LARP4: variants seen among roughly 807,000 people sequenced by gnomAD.
LARP4 encodes the protein La ribonucleoprotein 4.
In LARP4, 29 loss-of-function variants were observed where a neutral mutation model predicts 92.9. That is an observed-to-expected ratio of 0.31 (90% CI 0.23 to 0.43). LARP4 has a LOEUF of 0.43. Among genes scored for constraint, LARP4 ranks in the 20% least tolerant of loss-of-function variants. The pLI is 1.00. For missense variants in LARP4, 732 were observed against 860.0 expected (o/e 0.85, Z 1.86); for synonymous variants, 279 against 284.1 (o/e 0.98, Z 0.18).
intron 4 of LARP4, among the ~76,000 whole-genome samples, chr12:50,431,127 G>A (rs1949592231): frequency 6.6e-6 from 1 of 152,052 alleles, no homozygotes; most frequent in African/African-American, 2.4e-5. Flanking sequence ...AATTAGCGGG[G>A]CATGGTGGTG....
intron 1 of LARP4, among the ~76,000 whole-genome samples, chr12:50,404,519 C>T (rs1944428584): frequency 6.6e-6 from 1 of 152,136 alleles, no homozygotes; most frequent in South Asian, 2.1e-4. Context: ...TGTGCCACTG[C>T]ATTCCAGGCC....
At position 50,422,714 on chromosome 12, in the gene LARP4, T is replaced by G. The variant is rs566559902; in HGVS notation, c.19-5048T>G. ...AATAATGCTAATATATGTAGAAATA[T>G]GAGTTGAATCATTTTATATAGTCTC... On this transcript the variant is annotated intron_variant, in intron 1 of 15. Transcript: ENST00000398473. Among the ~76,000 whole-genome samples, 83 of 151,244 alleles carry G rather than the reference T, an allele frequency of 5.5e-4. 1 individual carries two copies. The highest frequency in any genetic ancestry group is 8.3e-4 in the Non-Finnish European group (56 of 67,818).
rs767986932 is a variant in LARP4 at position 50,449,543 on chromosome 12, A to G, written c.805-3917A>G. Reference sequence around the variant, plus strand: ...CCCATATTTCATGCATTTTGGTAGCAAGAGGCATGATGCCTTGCTACCTTG... The same window carrying G: ...CCCATATTTCATGCATTTTGGTAGCGAGAGGCATGATGCCTTGCTACCTTG... On this transcript the variant is annotated intron_variant, in intron 8 of 15. Transcript: ENST00000398473. Among the ~76,000 whole-genome samples, 11 of 152,264 alleles carry G rather than the reference A, an allele frequency of 7.2e-5. 1 individual carries two copies. The highest frequency in any genetic ancestry group is 3.9e-4 in the Admixed American group (6 of 15,286).
At position 50,479,464 on chromosome 12, in the gene LARP4, C is replaced by T. The variant is rs539060423; in HGVS notation, c.*3600C>T. 36 of 151,906 alleles carry T rather than the reference C, an allele frequency of 2.4e-4. No homozygotes were observed. The highest frequency in any genetic ancestry group is 4.3e-4 in the Non-Finnish European group (29 of 68,004). 9.4% of individuals were successfully genotyped at this position (151,906 alleles called of 1,614,324 possible). ...TTGGGCATATGCTAGTCTGAGCTTC[C>T]GAAAAGATACATATATGTTTCCCTT... is the stretch of plus-strand genomic sequence containing the variant. On this transcript the variant is annotated 3_prime_UTR_variant, in exon 16 of 16. Coordinates refer to ENST00000398473, the MANE Select transcript of LARP4 (RefSeq NM_052879.5).
At chr12:50,473,871 C>T (rs184637675) in intron 14 of LARP4, 128 bp from the exon 15 acceptor site, 2 of 676,070 alleles carry the variant, frequency 3.0e-6, no homozygotes, top group Non-Finnish European at 4.9e-6. Flanking sequence ...GAGCATGCCA[C>T]TACACTCCAG....
intron 8 of LARP4, among the ~76,000 whole-genome samples, chr12:50,445,534 CTT>C (rs1951876351): frequency 6.6e-6 from 1 of 152,034 alleles, no homozygotes; most frequent in African/African-American, 2.4e-5. Flanking sequence ...TCTGCCCTCT[CTT>C]CTCCTTTCTT....
At chr12:50,456,655 T>C (rs1469892020) in intron 10 of LARP4, among the ~76,000 whole-genome samples, 1 of 152,170 alleles carries the variant, frequency 6.6e-6, no homozygotes, top group Non-Finnish European at 1.5e-5. Flanking sequence ...TTTCATACTA[T>C]CTTTCTTTCA....
intron 8 of LARP4, among the ~76,000 whole-genome samples, chr12:50,449,680 A>G (rs557449931): frequency 5.9e-5 from 9 of 152,046 alleles, no homozygotes; most frequent in South Asian, 2.1e-4. Context: ...TTCTCTATCT[A>G]TTTTTCATTT....
intron 1 of LARP4, among the ~76,000 whole-genome samples, chr12:50,409,844 G>A (rs1364360438): frequency 1.3e-5 from 2 of 151,340 alleles, no homozygotes; most frequent in African/African-American, 2.4e-5. Flanking sequence ...TATTGCCCAG[G>A]CTGGAGCGAT....
chr12:50,467,757 A>G (rs1956339789), intron 13 of LARP4, among the ~76,000 whole-genome samples: 1 of 152,188 alleles, frequency 6.6e-6, no homozygotes, highest in African/African-American at 2.4e-5. Context: ...CTAGAGGCTG[A>G]GATGCCTCAT....
intron 11 of LARP4, 31 bp from the exon 12 acceptor site, chr12:50,462,551 C>A: frequency 8.1e-7 from 1 of 1,240,328 alleles, no homozygotes; most frequent in Non-Finnish European, 1.2e-6. Flanking sequence ...CCCTCCACCC[C>A]ACCCCACCCC....
chr12:50,421,754 G>A (rs1484992003), intron 1 of LARP4, among the ~76,000 whole-genome samples: 1 of 152,112 alleles, frequency 6.6e-6, no homozygotes, highest in Non-Finnish European at 1.5e-5. Context: ...TTTCCTTCCC[G>A]CCTATAACCA....
chr12:50,437,089 C>T (rs1397627779), intron 5 of LARP4, among the ~76,000 whole-genome samples: 1 of 152,146 alleles, frequency 6.6e-6, no homozygotes, highest in Non-Finnish European at 1.5e-5. Flanking sequence ...CACTTAACTG[C>T]TTATTTTATT....
intron 10 of LARP4, among the ~76,000 whole-genome samples, chr12:50,456,964 G>T (rs923958566): frequency 2.6e-5 from 4 of 152,142 alleles, no homozygotes; most frequent in African/African-American, 9.7e-5. Flanking sequence ...CCGGGCTGTA[G>T]TGTAGTGGTG....
Position 50,473,451 on chromosome 12 carries a change from G to T in LARP4, c.1582G>T (p.Ala528Ser), listed in dbSNP as rs1314103291. 2 of 1,613,174 alleles carry T rather than the reference G, an allele frequency of 1.2e-6. No homozygotes were observed. Among genetic ancestry groups the T allele is most frequent in the Non-Finnish European group, 1.7e-6 (2 of 1,179,384 alleles). The change falls in exon 14 of 16, where the codon GCA becomes TCA. Residue 528 changes from alanine (A) to serine (S), a missense_variant. Physicochemically the swap from Ala to Ser is moderately conservative, Grantham distance 99. Coordinates refer to ENST00000398473, the MANE Select transcript of LARP4 (RefSeq NM_052879.5). ...GTTGACAATTAGTTGCCCAGTGCCT[G>T]CAGATGAGCAGACAGAATGCACTTC... ...EELTISCPVP[A>S]DEQTECTSAQ...
intron 1 of LARP4, among the ~76,000 whole-genome samples, chr12:50,408,863 T>C (rs1592741235): frequency 6.6e-6 from 1 of 152,086 alleles, no homozygotes; most frequent in African/African-American, 2.4e-5. Flanking sequence ...TATGGCAGGC[T>C]GGGTGGGCGT....
chr12:50,413,223 A>C (rs201216704), intron 1 of LARP4, among the ~76,000 whole-genome samples: 1 of 9,190 alleles, frequency 1.1e-4, no homozygotes, highest in Non-Finnish European at 4.3e-3. Flanking sequence ...ACTGTGTCTC[A>C]AAAAAAAAAA....
chr12:50,413,048 C>T (rs1051843404), intron 1 of LARP4, among the ~76,000 whole-genome samples: 2 of 151,850 alleles, frequency 1.3e-5, no homozygotes, highest in African/African-American at 4.8e-5. Flanking sequence ...ATGGTGAAAC[C>T]CCGTCTCTAC....
Position 50,478,310 on chromosome 12 carries a change from A to AGAGT in LARP4, c.*2450_*2453dup, listed in dbSNP as rs2139283358. On this transcript the variant is annotated 3_prime_UTR_variant, in exon 16 of 16. Transcript: ENST00000398473. ...TCCCATTTGATGGCATGTATAGGGAAGAGTGAGAGAGTGTGTGTGTGTGTA... is the reference window on the plus strand; with the variant it reads ...TCCCATTTGATGGCATGTATAGGGAAGAGTGAGTGAGAGAGTGTGTGTGTGTGTA... 1 of 152,002 alleles carries AGAGT rather than the reference A, an allele frequency of 6.6e-6. No individual in the cohort carries two copies. Among genetic ancestry groups the AGAGT allele is most frequent in the East Asian group, 1.9e-4 (1 of 5,186 alleles). The allele number at this position is 152,002 out of a possible 1,614,324, so 9.4% of individuals were successfully genotyped here. A position where few individuals can be genotyped will look rare whatever the true frequency, so the allele number is the denominator to read the frequency against.
Sources: allele counts gnomAD v4.1 joint callset (sites outside exome capture counted in the v4.1 genomes callset), GRCh38; gene constraint gnomAD v4.1.1; transcripts MANE v1.5; gene names NCBI Gene and HGNC (gene_info 2026-07-23, HGNC 2026-07-21).